The following FBN1 variants were observed in gnomAD, a reference collection of about 807,000 sequenced individuals.
FBN1 encodes the protein fibrillin-1.
A neutral mutation model predicts 365.1 loss-of-function variants in FBN1; 29 were observed. The observed-to-expected ratio is 0.08, with a 90% CI of 0.06 to 0.11. The LOEUF is 0.11. FBN1 is among the 10% of genes least tolerant of loss of function. The pLI is 1.00. For missense variants in FBN1, 2,476 were observed against 3,703.2 expected (o/e 0.67, Z 8.60); for synonymous variants, 1,210 against 1,270.5 (o/e 0.95, Z 1.01).
intron 6 of FBN1, among the ~76,000 whole-genome samples, chr15:48,551,766 T>C (rs1169246577): frequency 6.6e-6 from 1 of 152,158 alleles, no homozygotes; most frequent in African/African-American, 2.4e-5. Context: ...TAAGAATATG[T>C]AGTATTTGGT....
At chr15:48,428,611 C>G in intron 56 of FBN1, 140 bp from the exon 57 acceptor site, 2 of 885,068 alleles carry the variant, frequency 2.3e-6, no homozygotes, top group Non-Finnish European at 3.7e-6. Context: ...TTCCTCCCTT[C>G]CCTCCCTCTC....
intron 2 of FBN1, among the ~76,000 whole-genome samples, chr15:48,640,641 TAAAC>T (rs760105174): frequency 5.9e-5 from 9 of 152,228 alleles, no homozygotes; most frequent in South Asian, 2.1e-4. Flanking sequence ...AATAAACAAA[TAAAC>T]AAAGACCAAA....
chr15:48,451,615 T>G (rs2043202309), intron 45 of FBN1, among the ~76,000 whole-genome samples: 1 of 152,198 alleles, frequency 6.6e-6, no homozygotes, highest in Non-Finnish European at 1.5e-5. Context: ...CACGTTCCCC[T>G]GTGTTGTTTC....
rs111844882 is a variant in FBN1 at position 48,434,616 on chromosome 15, G to A, written c.6594C>T (p.Pro2198=). The A allele has an allele frequency of 6.4e-3, 10,333 of 1,613,672 alleles. 40 individuals are homozygous for A. The highest frequency in any genetic ancestry group is 7.9e-3 in the Non-Finnish European group (9,275 of 1,179,714). The change falls in exon 54 of 66, where the codon CCC becomes CCT. Residue 2198 remains proline (P), a synonymous_variant. Transcript: ENST00000316623. ...FECTCEEGFE[P]GPMMTCEDIN... Reference sequence around the variant, plus strand: ...TACCTTCACATGTCATCATTGGACCGGGCTCAAATCCCTCCTCGCAGGTGC... The same window carrying A: ...TACCTTCACATGTCATCATTGGACCAGGCTCAAATCCCTCCTCGCAGGTGC...
chr15:48,515,639 T>TTTCC, intron 11 of FBN1, 112 bp from the exon 12 acceptor site: 4 of 1,445,270 alleles, frequency 2.8e-6, no homozygotes, highest in Non-Finnish European at 2.9e-6. Context: ...GAGGATACTC[T>TTTCC]TTGGGCAAAG....
At chr15:48,515,595 C>T in intron 11 of FBN1, 68 bp from the exon 12 acceptor site, 1 of 1,576,920 alleles carries the variant, frequency 6.3e-7, no homozygotes, top group Non-Finnish European at 8.7e-7. Flanking sequence ...CTTAATCTGA[C>T]AATAATGAAC....
chr15:48,462,407 A>G (rs2043286328), intron 42 of FBN1, among the ~76,000 whole-genome samples: 1 of 152,164 alleles, frequency 6.6e-6, no homozygotes, highest in Admixed American at 6.5e-5. Context: ...AGAATATAAG[A>G]AGAAATTTAT....
intron 6 of FBN1, among the ~76,000 whole-genome samples, chr15:48,571,890 T>C (rs896562200): frequency 6.6e-6 from 1 of 152,234 alleles, no homozygotes; most frequent in Non-Finnish European, 1.5e-5. Flanking sequence ...GGTTATATAG[T>C]ATTTTAAAAT....
At chr15:48,636,619 C>T (rs1016426570) in intron 2 of FBN1, among the ~76,000 whole-genome samples, 3 of 152,138 alleles carry the variant, frequency 2.0e-5, no homozygotes, top group South Asian at 2.1e-4. Flanking sequence ...CTTGGAAGGC[C>T]CCCAGCAGAG....
chr15:48,542,791 G>A (rs1458067941), intron 6 of FBN1, among the ~76,000 whole-genome samples: 7 of 50,896 alleles, frequency 1.4e-4, no homozygotes, highest in Non-Finnish European at 5.4e-4. Context: ...ATGTGTGTGT[G>A]TGTGTGTGTG....
intron 14 of FBN1, 94 bp downstream of exon 14, chr15:48,509,950 T>A: frequency 7.6e-7 from 1 of 1,320,814 alleles, no homozygotes; most frequent in East Asian, 2.3e-5. Flanking sequence ...TATTTGATAC[T>A]TTGACATTTC....
chr15:48,596,036 T>C (rs560429272), intron 6 of FBN1, among the ~76,000 whole-genome samples: 2 of 152,330 alleles, frequency 1.3e-5, no homozygotes, highest in East Asian at 3.9e-4. Context: ...CACTCATAAC[T>C]GAGTACCACC....
intron 6 of FBN1, among the ~76,000 whole-genome samples, chr15:48,542,833 T>TGTG (rs1566923409): frequency 2.8e-5 from 3 of 108,014 alleles, no homozygotes; most frequent in African/African-American, 1.4e-4. Context: ...GTGTGTGTAT[T>TGTG]TTTTTTCCTT....
Position 48,485,321 on chromosome 15 carries a change from A to G in FBN1, c.3712+53T>C, listed in dbSNP as rs201965972. ...GACTCCAAAGCCTGGGCCCTAAACTACTTTACTTAGGAACCTACTGAGAGA... is the reference window on the plus strand; with the variant it reads ...GACTCCAAAGCCTGGGCCCTAAACTGCTTTACTTAGGAACCTACTGAGAGA... On this transcript the variant is annotated intron_variant, in intron 30 of 65. Transcript: ENST00000316623. 503 of 1,613,512 alleles carry G rather than the reference A, an allele frequency of 3.1e-4. 3 individuals are homozygous for G. The highest frequency in any genetic ancestry group is 6.9e-5 in the Non-Finnish European group (81 of 1,179,704).
intron 65 of FBN1, 125 bp from the exon 66 acceptor site, chr15:48,411,504 T>G (rs1306926266): frequency 8.4e-6 from 7 of 829,274 alleles, no homozygotes; most frequent in Non-Finnish European, 1.4e-5. Flanking sequence ...ATACACAATA[T>G]TGAAAGCATT....
intron 25 of FBN1, among the ~76,000 whole-genome samples, chr15:48,489,322 T>C (rs531403880): frequency 6.6e-6 from 1 of 151,102 alleles, no homozygotes; most frequent in Admixed American, 6.6e-5. Context: ...GTGCTGGGAT[T>C]ATAGGCATGA....
intron 5 of FBN1, among the ~76,000 whole-genome samples, chr15:48,598,177 G>A (rs1264369235): frequency 6.6e-6 from 1 of 152,178 alleles, no homozygotes. Context: ...CATGGGCTAT[G>A]GAGTCAGACT....
chr15:48,411,700 G>A (rs774887178), intron 65 of FBN1, among the ~76,000 whole-genome samples: 29 of 152,216 alleles, frequency 1.9e-4, no homozygotes, highest in Non-Finnish European at 3.7e-4. Flanking sequence ...CATCACCCCA[G>A]AACTACTGAA....
intron 55 of FBN1, among the ~76,000 whole-genome samples, chr15:48,431,811 C>T (rs1299002742): frequency 2.6e-5 from 4 of 152,084 alleles, no homozygotes; most frequent in South Asian, 2.1e-4. Flanking sequence ...TGCGCCATCA[C>T]GCCAGCTAAT....
Sources: allele counts gnomAD v4.1 joint callset (sites outside exome capture counted in the v4.1 genomes callset), GRCh38; gene constraint gnomAD v4.1.1; transcripts MANE v1.5; gene names NCBI Gene and HGNC (gene_info 2026-07-23, HGNC 2026-07-21).